MBD5: variants seen among roughly 807,000 people sequenced by gnomAD.
MBD5 encodes the protein methyl-CpG-binding domain protein 5.
Under a neutral mutation model 117.3 loss-of-function variants are expected in MBD5, and 13 were observed. The ratio of observed to expected loss-of-function variants is 0.11; its 90% CI spans 0.07 to 0.18. The LOEUF is 0.18. MBD5 is among the 10% of genes least tolerant of loss of function. MBD5 has a pLI of 1.00. For missense variants in MBD5, 1,879 were observed against 2,093.8 expected (o/e 0.90, Z 2.00); for synonymous variants, 727 against 766.4 (o/e 0.95, Z 0.85).
At chr2:148,202,843 C>T (rs560528981) in intron 2 of MBD5, among the ~76,000 whole-genome samples, 31 of 152,088 alleles carry the variant, frequency 2.0e-4, no homozygotes, top group African/African-American at 7.2e-4. Context: ...ACCTGGCCAA[C>T]ATAGTGAGAA....
chr2:148,215,065 G>A (rs1231199717), intron 2 of MBD5, among the ~76,000 whole-genome samples: 1 of 152,144 alleles, frequency 6.6e-6, no homozygotes, highest in African/African-American at 2.4e-5. Context: ...TATAGGTTAA[G>A]GATTGCACAT....
intron 4 of MBD5, among the ~76,000 whole-genome samples, chr2:148,357,013 C>T (rs1426324807): frequency 6.6e-6 from 1 of 152,000 alleles, no homozygotes; most frequent in Non-Finnish European, 1.5e-5. Context: ...ATTTTATACT[C>T]ACAAGTTATC....
At chr2:148,390,232 G>A (rs1307710910) in intron 4 of MBD5, among the ~76,000 whole-genome samples, 1 of 151,916 alleles carries the variant, frequency 6.6e-6, no homozygotes. Flanking sequence ...TTGGATGTAG[G>A]TGTGTGGCTT....
At chr2:148,101,292 T>C (rs1049399551) in intron 1 of MBD5, among the ~76,000 whole-genome samples, 2 of 151,664 alleles carry the variant, frequency 1.3e-5, no homozygotes, top group African/African-American at 4.8e-5. Context: ...TTCTAAACGT[T>C]AAAATTAGAA....
chr2:148,435,904 A>T (rs139876869), intron 4 of MBD5, among the ~76,000 whole-genome samples: 82 of 152,338 alleles, frequency 5.4e-4, no homozygotes, highest in African/African-American at 1.8e-3. Context: ...TGCAATTTTG[A>T]TTAATTCAGT....
intron 4 of MBD5, among the ~76,000 whole-genome samples, chr2:148,372,910 C>T (rs75228846): frequency 0.12 from 18,899 of 151,964 alleles, 1,562 homozygotes; most frequent in Non-Finnish European, 0.19. Context: ...GATTTTCCAC[C>T]GACTCTGCTA....
chr2:148,397,069 T>G (rs1249980693), intron 4 of MBD5, among the ~76,000 whole-genome samples: 4 of 152,210 alleles, frequency 2.6e-5, no homozygotes, highest in Non-Finnish European at 5.9e-5. Flanking sequence ...CTTGCTGATT[T>G]CAGATCCCAA....
chr2:148,467,329 T>C (rs999412107), intron 7 of MBD5, among the ~76,000 whole-genome samples: 1 of 152,328 alleles, frequency 6.6e-6, no homozygotes, highest in Non-Finnish European at 1.5e-5. Flanking sequence ...ATGAATCTGC[T>C]TGCTTTTGTT....
At chr2:148,323,799 T>C (rs1479868847) in intron 3 of MBD5, among the ~76,000 whole-genome samples, 1 of 152,250 alleles carries the variant, frequency 6.6e-6, no homozygotes, top group Non-Finnish European at 1.5e-5. Flanking sequence ...GGTTGCCTGT[T>C]CACTCTGATG....
chr2:148,247,265 T>C (rs1700359075), intron 3 of MBD5, among the ~76,000 whole-genome samples: 1 of 152,250 alleles, frequency 6.6e-6, no homozygotes, highest in Admixed American at 6.5e-5. Context: ...GTATGACTTA[T>C]CTGTGTCAGA....
intron 1 of MBD5, among the ~76,000 whole-genome samples, chr2:148,088,996 A>T (rs1417842483): frequency 6.6e-6 from 1 of 152,144 alleles, no homozygotes; most frequent in East Asian, 1.9e-4. Flanking sequence ...AACTTGAGGT[A>T]AAGGGTGGAA....
intron 4 of MBD5, among the ~76,000 whole-genome samples, chr2:148,373,069 AG>A (rs1703899192): frequency 6.6e-6 from 1 of 152,156 alleles, no homozygotes; most frequent in African/African-American, 2.4e-5. Context: ...CATTTTTTAA[AG>A]AATTACGTTT....
chr2:148,407,989 T>C (rs1451327014), intron 4 of MBD5, among the ~76,000 whole-genome samples: 1 of 152,176 alleles, frequency 6.6e-6, no homozygotes, highest in African/African-American at 2.4e-5. Context: ...TTACATAACC[T>C]ATTTCAGAGA....
At chr2:148,151,655 CT>C (rs1210123734) in intron 1 of MBD5, among the ~76,000 whole-genome samples, 15 of 152,158 alleles carry the variant, frequency 9.9e-5, no homozygotes, top group African/African-American at 3.4e-4. Context: ...CAACTTCTTC[CT>C]GGTTTAGTCT....
chr2:148,030,539 TA>T (rs1465614634), intron 1 of MBD5, among the ~76,000 whole-genome samples: 6 of 151,990 alleles, frequency 3.9e-5, no homozygotes, highest in Admixed American at 2.6e-4. Context: ...CATAAAGACA[TA>T]AAGTATATGC....
At chr2:148,314,135 T>C (rs1702099887) in intron 3 of MBD5, among the ~76,000 whole-genome samples, 1 of 151,934 alleles carries the variant, frequency 6.6e-6, no homozygotes, top group African/African-American at 2.4e-5. Flanking sequence ...CAGTAGTCTT[T>C]TCCTTACAGA....
Position 148,510,120 on chromosome 2 carries a change from C to G in MBD5, c.5097C>G (p.Asp1699Glu). Residue 1699 changes from aspartate to glutamate, a missense_variant, in exon 13 of 14, where the codon GAC (aspartate) becomes GAG (glutamate). Coordinates refer to ENST00000642680, the MANE Select transcript of MBD5 (RefSeq NM_001378120.1). ...AAIHEAMSEL[D>E]KMSGTVHQIP... is the part of the protein sequence containing the mutation. ...TTCATGAGGCCATGAGTGAACTGGACAAAATGTCTGGGACTGTAAGTTAAT... is the reference window on the plus strand; with the variant it reads ...TTCATGAGGCCATGAGTGAACTGGAGAAAATGTCTGGGACTGTAAGTTAAT... The G allele has an allele frequency of 6.2e-7, 1 of 1,609,726 alleles. No individual in the cohort carries two copies. The highest frequency in any genetic ancestry group is 8.5e-7 in the Non-Finnish European group (1 of 1,176,264).
intron 1 of MBD5, among the ~76,000 whole-genome samples, chr2:148,091,578 A>G (rs1695944921): frequency 6.6e-6 from 1 of 152,224 alleles, no homozygotes; most frequent in Non-Finnish European, 1.5e-5. Flanking sequence ...TATTCAAAAA[A>G]TCATGCTAGG....
Position 148,485,916 on chromosome 2 carries a change from A to G in MBD5, c.3719A>G (p.Asn1240Ser), listed in dbSNP as rs767692391. 3 of 1,614,104 alleles carry G rather than the reference A, an allele frequency of 1.9e-6. No homozygotes were observed. The highest frequency in any genetic ancestry group is 3.3e-5 in the Admixed American group (2 of 60,020). ...GQSTIPCPANNNPMACLFQNF... is the reference protein window; with the variant it reads ...GQSTIPCPANSNPMACLFQNF... ...TCCACAATTCCTTGCCCAGCTAACA[A>G]TAACCCCATGGCTTGTCTGTTTCAG... Residue 1240 changes from asparagine to serine, a missense_variant, in exon 10 of 14, where the codon AAT (asparagine) becomes AGT (serine). By Grantham distance (46) the Asn-to-Ser change is conservative (BLOSUM62 1). This residue lies in a region of MBD5 where 1,666 missense variants were observed against 1,792.2 expected (regional missense o/e 0.93). Coordinates refer to ENST00000642680, the MANE Select transcript of MBD5 (RefSeq NM_001378120.1).
Sources: allele counts gnomAD v4.1 joint callset (sites outside exome capture counted in the v4.1 genomes callset), GRCh38; gene constraint gnomAD v4.1.1; regional missense constraint gnomAD v4.1.1; transcripts MANE v1.5; gene names NCBI Gene and HGNC (gene_info 2026-07-23, HGNC 2026-07-21).